ARPP21: variants seen among roughly 807,000 people sequenced by gnomAD.
ARPP21 encodes cAMP-regulated phosphoprotein 21.
A neutral mutation model predicts 113.2 loss-of-function variants in ARPP21; 69 were observed. The ratio of observed to expected loss-of-function variants is 0.61; its 90% CI spans 0.50 to 0.74. ARPP21 has a LOEUF of 0.74. ARPP21 is among the 30% of genes least tolerant of loss of function. ARPP21 has a pLI of 0.00. For synonymous variants in ARPP21, 368 were observed against 375.5 expected (o/e 0.98, Z 0.23); for missense variants, 1,070 against 1,037.4 (o/e 1.03, Z -0.43).
chr3:35,666,404 A>T (rs2074377390), intron 1 of ARPP21, among the ~76,000 whole-genome samples: 1 of 152,160 alleles, frequency 6.6e-6, no homozygotes, highest in Non-Finnish European at 1.5e-5. Flanking sequence ...GTTTTCAGTG[A>T]TTTTGAGTTG....
chr3:35,656,492 G>A (rs1299986814), intron 1 of ARPP21, among the ~76,000 whole-genome samples: 1 of 152,168 alleles, frequency 6.6e-6, no homozygotes, highest in South Asian at 2.1e-4. Context: ...AAAAAGGAGT[G>A]AATTACTAAT....
intron 1 of ARPP21, among the ~76,000 whole-genome samples, chr3:35,656,067 A>G (rs972009245): frequency 4.6e-5 from 7 of 152,250 alleles, no homozygotes; most frequent in South Asian, 2.1e-4. Flanking sequence ...TAATCTTAGA[A>G]TAACTTTGAA....
At chr3:35,744,006 A>G (rs2094848367) in intron 19 of ARPP21, 41 bp downstream of exon 19, 2 of 1,611,982 alleles carry the variant, frequency 1.2e-6, no homozygotes, top group Non-Finnish European at 1.7e-6. Flanking sequence ...CAACCCAGTT[A>G]TTTTTGCTGG....
At chr3:35,719,803 A>G (rs1238154825) in intron 13 of ARPP21, among the ~76,000 whole-genome samples, 2 of 152,252 alleles carry the variant, frequency 1.3e-5, no homozygotes, top group African/African-American at 2.4e-5. Flanking sequence ...AATTAGCTGC[A>G]AATGAGATTA....
intron 11 of ARPP21, among the ~76,000 whole-genome samples, chr3:35,713,159 C>A (rs2091676541): frequency 6.6e-6 from 1 of 152,122 alleles, no homozygotes; most frequent in Non-Finnish European, 1.5e-5. Context: ...TCCGAGAATG[C>A]ATATAAGTGA....
chr3:35,729,263 C>A, intron 14 of ARPP21, 40 bp from the exon 15 acceptor site: 1 of 1,405,520 alleles, frequency 7.1e-7, no homozygotes, highest in South Asian at 1.2e-5. Flanking sequence ...TCTCTCATCT[C>A]TGTGTGTTCA....
At chr3:35,694,934 TA>T (rs1382818155) in intron 9 of ARPP21, among the ~76,000 whole-genome samples, 2 of 147,432 alleles carry the variant, frequency 1.4e-5, no homozygotes, top group African/African-American at 4.9e-5. Flanking sequence ...ATATTATACA[TA>T]ATATATATAT....
chr3:35,727,206 C>CT (rs1337278865), intron 14 of ARPP21, among the ~76,000 whole-genome samples: 1 of 152,186 alleles, frequency 6.6e-6, no homozygotes, highest in Non-Finnish European at 1.5e-5. Context: ...ACTGAGAACA[C>CT]TTGTGACAGG....
At chr3:35,679,091 G>A (rs1027795204) in intron 1 of ARPP21, among the ~76,000 whole-genome samples, 1 of 151,842 alleles carries the variant, frequency 6.6e-6, no homozygotes, top group African/African-American at 2.4e-5. Flanking sequence ...CCCTCTGTCA[G>A]TGTTTCTTTG....
At chr3:35,683,055 A>G (rs1461793963) in intron 4 of ARPP21, among the ~76,000 whole-genome samples, 166 bp downstream of exon 4, 8 of 151,668 alleles carry the variant, frequency 5.3e-5, no homozygotes, top group Non-Finnish European at 1.5e-5. Context: ...ATGTTTATGC[A>G]TGTCTTACTT....
chr3:35,711,827 A>C (rs530857984), intron 11 of ARPP21, among the ~76,000 whole-genome samples: 2 of 152,332 alleles, frequency 1.3e-5, no homozygotes, highest in South Asian at 4.1e-4. Context: ...CTTCCCCTGA[A>C]GAAAGTGATT....
intron 15 of ARPP21, among the ~76,000 whole-genome samples, chr3:35,733,450 C>T (rs1041049424): frequency 1.3e-5 from 2 of 152,192 alleles, no homozygotes; most frequent in Non-Finnish European, 2.9e-5. Context: ...TCACCTATGC[C>T]AGCACCCATG....
At chr3:35,684,941 C>A (rs1299564356) in intron 5 of ARPP21, 1 of 984,488 alleles carries the variant, frequency 1.0e-6, no homozygotes, top group South Asian at 4.7e-5. Context: ...TTTCCTTCAG[C>A]ATTTTATTTG....
intron 19 of ARPP21, among the ~76,000 whole-genome samples, chr3:35,768,842 C>T (rs1396838989): frequency 1.3e-5 from 2 of 152,120 alleles, no homozygotes; most frequent in Non-Finnish European, 2.9e-5. Context: ...CCTTTAAACA[C>T]TAGAATAACA....
chr3:35,711,059 G>A (rs1166142090), intron 11 of ARPP21, among the ~76,000 whole-genome samples: 1 of 152,098 alleles, frequency 6.6e-6, no homozygotes, highest in African/African-American at 2.4e-5. Flanking sequence ...AAATCATTTG[G>A]CAGCCTTCTT....
chr3:35,717,181 T>G, intron 12 of ARPP21, 117 bp from the exon 13 acceptor site: 1 of 583,028 alleles, frequency 1.7e-6, no homozygotes, highest in South Asian at 2.6e-5. Flanking sequence ...CAACATCATA[T>G]AAATAAAACT....
chr3:35,726,275 C>T (rs1052706798), intron 14 of ARPP21, among the ~76,000 whole-genome samples: 3 of 152,220 alleles, frequency 2.0e-5, no homozygotes, highest in Non-Finnish European at 4.4e-5. Flanking sequence ...TCTTTGAACA[C>T]TTCCAGTCCC....
intron 16 of ARPP21, among the ~76,000 whole-genome samples, chr3:35,737,706 G>A (rs541447215): frequency 4.6e-5 from 7 of 152,086 alleles, no homozygotes; most frequent in Admixed American, 2.6e-4. Context: ...CCCCATTCCC[G>A]TCACAGATCA....
At chr3:35,682,946 T>C (rs1051696608) in intron 4 of ARPP21, 57 bp downstream of exon 4, 7 of 1,459,404 alleles carry the variant, frequency 4.8e-6, no homozygotes, top group Non-Finnish European at 6.6e-6. Context: ...TTACATATTT[T>C]ACATCAGAGT....
Sources: allele counts gnomAD v4.1 joint callset (sites outside exome capture counted in the v4.1 genomes callset), GRCh38; gene constraint gnomAD v4.1.1; transcripts MANE v1.5; gene names NCBI Gene and HGNC (gene_info 2026-07-23, HGNC 2026-07-21).